The following BRMS1L variants were observed in gnomAD, a reference collection of about 807,000 sequenced individuals.
The protein encoded by BRMS1L is BRMS1 like transcriptional repressor.
Under a neutral mutation model 50.3 loss-of-function variants are expected in BRMS1L, and 23 were observed. The observed-to-expected ratio is 0.46, with a 90% CI of 0.33 to 0.65. BRMS1L has a LOEUF of 0.65. BRMS1L is among the 30% of genes least tolerant of loss of function. The pLI is 0.02. For missense variants in BRMS1L, 286 were observed against 386.1 expected, an observed-to-expected ratio of 0.74 and a Z score of 2.17; for synonymous variants, 114 against 126.9, an observed-to-expected ratio of 0.90 and a Z score of 0.69.
intron 4 of BRMS1L, among the ~76,000 whole-genome samples, chr14:35,856,982 T>G (rs2078288669): frequency 6.6e-6 from 1 of 152,130 alleles, no homozygotes; most frequent in Non-Finnish European, 1.5e-5. Context: ...GGCTTATGCC[T>G]GTAATCCCAG....
intron 1 of BRMS1L, among the ~76,000 whole-genome samples, chr14:35,830,486 C>T (rs1293914780): frequency 2.0e-5 from 3 of 152,070 alleles, no homozygotes; most frequent in East Asian, 3.9e-4. Context: ...GTCTCTCGAG[C>T]AGTTGGGACT....
At position 35,870,663 on chromosome 14, in the gene BRMS1L, T is replaced by C. The variant is rs1034881143; in HGVS notation, c.*186T>C. On this transcript the variant is annotated 3_prime_UTR_variant, in exon 10 of 10. Coordinates refer to ENST00000216807, the MANE Select transcript of BRMS1L (RefSeq NM_032352.4). ...AAAAGAAACAGTAATAAAAATTTTA[T>C]CACGATCCTTACGTTGATTTGCCTC... The C allele has an allele frequency of 1.4e-5, 5 of 360,558 alleles. No homozygotes were observed. The highest frequency in any genetic ancestry group is 8.6e-5 in the African/African-American group (4 of 46,546). The allele number at this position is 360,558 out of a possible 1,614,324, so 22.3% of individuals were successfully genotyped here.
chr14:35,833,629 C>T (rs887285443), intron 3 of BRMS1L, among the ~76,000 whole-genome samples: 1 of 152,022 alleles, frequency 6.6e-6, no homozygotes, highest in African/African-American at 2.4e-5. Context: ...AACAAAGATG[C>T]ACTATATTTG....
chr14:35,829,900 C>A, intron 1 of BRMS1L: 1 of 1,113,392 alleles, frequency 9.0e-7, no homozygotes, highest in Admixed American at 4.7e-5. Context: ...GACTATAGGA[C>A]AGACCTGGTA....
intron 4 of BRMS1L, among the ~76,000 whole-genome samples, chr14:35,848,126 C>T (rs1270205326): frequency 6.6e-6 from 1 of 151,914 alleles, no homozygotes; most frequent in African/African-American, 2.4e-5. Flanking sequence ...AGACTGTTTT[C>T]TTTTTAAAAA....
At chr14:35,869,512 A>C (rs2078461067) in intron 9 of BRMS1L, among the ~76,000 whole-genome samples, 1 of 146,682 alleles carries the variant, frequency 6.8e-6, no homozygotes, top group African/African-American at 2.5e-5. Context: ...TGACAGAGAA[A>C]CCCAGTCTCA....
At chr14:35,856,574 CAGAGGT>C (rs2078281671) in intron 4 of BRMS1L, among the ~76,000 whole-genome samples, 1 of 148,094 alleles carries the variant, frequency 6.8e-6, no homozygotes, top group Non-Finnish European at 1.5e-5. Context: ...ATCTTCCAAC[CAGAGGT>C]AATCACTGTT....
chr14:35,841,893 C>G (rs1374873496), intron 4 of BRMS1L, among the ~76,000 whole-genome samples: 2 of 151,870 alleles, frequency 1.3e-5, no homozygotes, highest in African/African-American at 2.4e-5. Context: ...GTTAGTTTCT[C>G]TGGTTGCATT....
intron 4 of BRMS1L, among the ~76,000 whole-genome samples, chr14:35,852,115 G>A (rs1174314162): frequency 6.6e-6 from 1 of 152,148 alleles, no homozygotes; most frequent in Non-Finnish European, 1.5e-5. Context: ...AGTCCTTTGT[G>A]GTTCCATTAT....
rs533515076 is a variant in BRMS1L at position 35,857,235 on chromosome 14, C to T, written c.442-5355C>T. 2.2e-4 allele frequency among the ~76,000 whole-genome samples: 29 copies of T among 133,262 alleles called. No individual in the cohort carries two copies. The East Asian group carries it at 5.8e-3, about 26-fold the overall frequency. 87.4% of individuals were successfully genotyped at this position (133,262 alleles called of 152,430 possible). A position where few individuals can be genotyped will look rare whatever the true frequency, so the allele number is the denominator to read the frequency against. On this transcript the variant is annotated intron_variant, in intron 4 of 9. Transcript: ENST00000216807. ...CAGCCTGGGCGACAGAGCAAGACTC[C>T]GTCTCAAAAAAAAAAATATATATAT...
At chr14:35,843,409 C>T (rs1331082891) in intron 4 of BRMS1L, among the ~76,000 whole-genome samples, 2 of 151,998 alleles carry the variant, frequency 1.3e-5, no homozygotes, top group Admixed American at 6.6e-5. Flanking sequence ...CCTTTCTGTT[C>T]GTTAGTTTTC....
At chr14:35,840,074 C>A (rs564393481) in intron 4 of BRMS1L, among the ~76,000 whole-genome samples, 9 of 152,246 alleles carry the variant, frequency 5.9e-5, no homozygotes, top group African/African-American at 2.2e-4. Context: ...GAGTTTTTAG[C>A]ATGAAGTGGT....
intron 7 of BRMS1L, among the ~76,000 whole-genome samples, 173 bp from the exon 8 acceptor site, chr14:35,865,549 T>C (rs1303498084): frequency 6.6e-6 from 1 of 152,200 alleles, no homozygotes; most frequent in Non-Finnish European, 1.5e-5. Context: ...TTATCCCTCA[T>C]ATTCTTTATG....
At chr14:35,858,216 G>T (rs530198608) in intron 4 of BRMS1L, among the ~76,000 whole-genome samples, 2 of 152,042 alleles carry the variant, frequency 1.3e-5, no homozygotes, top group Non-Finnish European at 2.9e-5. Flanking sequence ...TTTTCTCTGC[G>T]ATCAAACTTA....
At chr14:35,832,785 A>G (rs1329511478) in intron 2 of BRMS1L, among the ~76,000 whole-genome samples, 193 bp from the exon 3 acceptor site, 1 of 152,198 alleles carries the variant, frequency 6.6e-6, no homozygotes, top group Middle Eastern at 3.4e-3. Context: ...AGTGATAGAT[A>G]GATACCTGTT....
At chr14:35,857,250 A>ATAT (rs1232726255) in intron 4 of BRMS1L, among the ~76,000 whole-genome samples, 23 of 147,084 alleles carry the variant, frequency 1.6e-4, no homozygotes, top group African/African-American at 5.5e-4. Context: ...CAAAAAAAAA[A>ATAT]ATATATATAT....
Position 35,826,655 on chromosome 14 carries a change from T to C in BRMS1L, c.139T>C (p.Ser47Pro), listed in dbSNP as rs1465135193. 2 of 1,611,724 alleles carry C rather than the reference T, an allele frequency of 1.2e-6. No homozygotes were observed. Among genetic ancestry groups the C allele is most frequent in the Non-Finnish European group, 1.7e-6 (2 of 1,179,462 alleles). The change falls in exon 1 of 10, where the codon TCA becomes CCA. Residue 47 changes from serine (S) to proline (P), a missense_variant. Around this residue, in one of 5 missense-constraint regions of BRMS1L, gnomAD observed 66 missense variants for 67.8 expected, o/e 0.97. Transcript: ENST00000216807. ...GTCGGTCTCCGAGGATGGAGATAGC[T>C]CAGGTGCGCGACCCACTGCTGGGAC... is the stretch of plus-strand genomic sequence containing the variant. ...SSSVSEDGDS[S>P]EMDDEDCERR... is the part of the protein sequence containing the mutation.
intron 1 of BRMS1L, chr14:35,829,750 A>C: frequency 1.1e-6 from 1 of 886,894 alleles, no homozygotes; most frequent in East Asian, 6.7e-5. Context: ...TCAGCCTTCC[A>C]TGTTATATAA....
Position 35,826,573 on chromosome 14 carries a change from G to A in BRMS1L, c.57G>A (p.Glu19=). The change falls in exon 1 of 10, where the codon GAG becomes GAA. Residue 19 remains glutamate (E), a synonymous_variant. Transcript: ENST00000216807. The part of the protein sequence containing the change: ...KKETNHHDEM[E]VDYAENEGSS... Reference sequence around the variant, plus strand: ...AGACCAACCATCACGATGAGATGGAGGTGGACTACGCCGAAAATGAGGGGA... The same window carrying A: ...AGACCAACCATCACGATGAGATGGAAGTGGACTACGCCGAAAATGAGGGGA... 1 of 1,609,280 alleles carries A rather than the reference G, an allele frequency of 6.2e-7. No homozygotes were observed. Among genetic ancestry groups the A allele is most frequent in the Non-Finnish European group, 8.5e-7 (1 of 1,178,360 alleles).
Sources: allele counts gnomAD v4.1 joint callset (sites outside exome capture counted in the v4.1 genomes callset), GRCh38; gene constraint gnomAD v4.1.1; regional missense constraint gnomAD v4.1.1; transcripts MANE v1.5; gene names NCBI Gene and HGNC (gene_info 2026-07-23, HGNC 2026-07-21).